TTLL11: variants seen among roughly 807,000 people sequenced by gnomAD.
TTLL11 encodes tubulin tyrosine ligase like 11.
Under a neutral mutation model 51.7 loss-of-function variants are expected in TTLL11, and 42 were observed. The observed-to-expected ratio is 0.81, with a 90% CI of 0.64 to 1.05. The LOEUF is 1.05. Among genes scored for constraint, TTLL11 ranks in the 50% least tolerant of loss-of-function variants. The pLI is 0.00. For synonymous variants in TTLL11, 381 were observed against 383.5 expected (o/e 0.99, Z 0.08); for missense variants, 799 against 940.4 (o/e 0.85, Z 1.97).
chr9:122,071,152 G>C (rs763664063), intron 1 of TTLL11, among the ~76,000 whole-genome samples: 49 of 152,288 alleles, frequency 3.2e-4, no homozygotes, highest in Middle Eastern at 3.4e-3. Context: ...CCCATGGCTT[G>C]TTCCCTTCCC....
chr9:122,022,391 A>G (rs1844207667), intron 3 of TTLL11, among the ~76,000 whole-genome samples: 1 of 151,478 alleles, frequency 6.6e-6, no homozygotes, highest in African/African-American at 2.4e-5. Context: ...GCAGCAAGAG[A>G]AAAAGAATGT....
At chr9:121,970,929 G>C (rs942455865) in intron 6 of TTLL11, among the ~76,000 whole-genome samples, 61 of 152,352 alleles carry the variant, frequency 4.0e-4, no homozygotes, top group Non-Finnish European at 6.8e-4. Flanking sequence ...AGTCACAATA[G>C]CAAAGACTTG....
chr9:121,918,743 T>C (rs1840427280), intron 6 of TTLL11, among the ~76,000 whole-genome samples: 1 of 152,066 alleles, frequency 6.6e-6, no homozygotes, highest in Admixed American at 6.5e-5. Flanking sequence ...AATGTAGAAA[T>C]AAACTGTGGG....
chr9:121,952,208 A>G (rs891286669), intron 6 of TTLL11, among the ~76,000 whole-genome samples: 3 of 152,116 alleles, frequency 2.0e-5, no homozygotes, highest in African/African-American at 7.2e-5. Flanking sequence ...GCACTTTGGG[A>G]GGCCGAGCTG....
intron 4 of TTLL11, among the ~76,000 whole-genome samples, chr9:121,978,265 G>T (rs369613004): frequency 6.6e-6 from 1 of 152,126 alleles, no homozygotes; most frequent in Non-Finnish European, 1.5e-5. Context: ...AGAACTGGGA[G>T]ATATGTAGAG....
intron 6 of TTLL11, among the ~76,000 whole-genome samples, chr9:121,894,574 A>T (rs1839383393): frequency 6.6e-6 from 1 of 152,206 alleles, no homozygotes; most frequent in Admixed American, 6.5e-5. Context: ...GCCATAAAAA[A>T]GGGAAGAGTT....
At chr9:121,915,119 G>A (rs1164760410) in intron 6 of TTLL11, among the ~76,000 whole-genome samples, 1 of 152,172 alleles carries the variant, frequency 6.6e-6, no homozygotes, top group African/African-American at 2.4e-5. Context: ...GGTGGGAGGG[G>A]GAGCTGGCCA....
At chr9:122,040,299 C>T (rs1844814734) in intron 1 of TTLL11, 1 of 961,654 alleles carries the variant, frequency 1.0e-6, no homozygotes, top group South Asian at 4.8e-5. Context: ...CCTGAGAATA[C>T]CTTTTTGGTC....
intron 1 of TTLL11, among the ~76,000 whole-genome samples, chr9:122,079,799 A>C (rs959106716): frequency 6.6e-6 from 1 of 152,080 alleles, no homozygotes; most frequent in Admixed American, 6.5e-5. Flanking sequence ...TGGGTAGAAG[A>C]TCAGGGATGA....
Position 122,033,362 on chromosome 9 carries a change from C to A in TTLL11, c.560-1506G>T, listed in dbSNP as rs190733261. Among the ~76,000 whole-genome samples, 488 of 152,288 alleles carry A rather than the reference C, an allele frequency of 3.2e-3. 4 individuals are homozygous for A. The highest frequency in any genetic ancestry group is 0.011 in the African/African-American group (456 of 41,560). ...TCCTGACCTCAGGTGATCCACCCCC[C>A]TCGGCCTCCCAAAGTGCTGGGATTA... On this transcript the variant is annotated intron_variant, in intron 2 of 8. Coordinates refer to ENST00000321582, the MANE Select transcript of TTLL11 (RefSeq NM_001139442.2).
chr9:122,001,577 A>G (rs575118686), intron 3 of TTLL11, among the ~76,000 whole-genome samples: 1 of 152,232 alleles, frequency 6.6e-6, no homozygotes, highest in South Asian at 2.1e-4. Context: ...GGTCGCCAAG[A>G]TGGACACTCG....
chr9:121,927,937 A>AATCT (rs1183365204), intron 6 of TTLL11, among the ~76,000 whole-genome samples: 3 of 152,190 alleles, frequency 2.0e-5, no homozygotes, highest in Non-Finnish European at 4.4e-5. Flanking sequence ...GAGGCCAATA[A>AATCT]ATCTCAAATG....
At position 121,856,538 on chromosome 9, in the gene TTLL11, A is replaced by G. The variant is rs576197377; in HGVS notation, c.1840+3799T>C. On this transcript the variant is annotated intron_variant, in intron 8 of 8. Coordinates refer to ENST00000321582, the MANE Select transcript of TTLL11 (RefSeq NM_001139442.2). ...TTTTTGTCTCACATAAATGTTCAGTAAATGGTCTCTTTTTTTCCCTTAAGA... is the reference window on the plus strand; with the variant it reads ...TTTTTGTCTCACATAAATGTTCAGTGAATGGTCTCTTTTTTTCCCTTAAGA... Among the ~76,000 whole-genome samples, 7 of 151,648 alleles carry G rather than the reference A, an allele frequency of 4.6e-5. No homozygotes were observed. In the East Asian group the frequency reaches 1.4e-3, roughly 30 times the overall value.
At chr9:121,891,771 C>A (rs1839243513) in intron 6 of TTLL11, among the ~76,000 whole-genome samples, 1 of 136,812 alleles carries the variant, frequency 7.3e-6, no homozygotes, top group Non-Finnish European at 1.6e-5. Flanking sequence ...AGTCACTCAG[C>A]CAGATAGGAG....
chr9:121,829,816 A>ACACACACAC (rs1564262506), intron 8 of TTLL11, among the ~76,000 whole-genome samples: 3 of 148,220 alleles, frequency 2.0e-5, no homozygotes, highest in African/African-American at 7.6e-5. Context: ...CACACACACC[A>ACACACACAC]CACACACACA....
chr9:121,948,983 A>G (rs114517686), intron 6 of TTLL11, among the ~76,000 whole-genome samples: 99 of 152,240 alleles, frequency 6.5e-4, no homozygotes, highest in African/African-American at 2.2e-3. Flanking sequence ...GCTGCCCTAG[A>G]AATGTGGAAT....
intron 8 of TTLL11, among the ~76,000 whole-genome samples, chr9:121,833,614 G>C (rs1379260230): frequency 1.3e-5 from 2 of 152,086 alleles, no homozygotes; most frequent in Non-Finnish European, 2.9e-5. Context: ...AGGAACACAG[G>C]CCCAGAGAGG....
chr9:121,837,642 TGTGTGGTTG>T (rs1364581689), intron 8 of TTLL11, among the ~76,000 whole-genome samples: 1 of 152,138 alleles, frequency 6.6e-6, no homozygotes, highest in African/African-American at 2.4e-5. Flanking sequence ...CCTGGGATCT[TGTGTGGTTG>T]AAAAGCCTGC....
intron 6 of TTLL11, among the ~76,000 whole-genome samples, chr9:121,883,409 T>C (rs907701943): frequency 3.3e-5 from 5 of 152,190 alleles, no homozygotes; most frequent in South Asian, 2.1e-4. Flanking sequence ...ATATATTTAT[T>C]GAGTACTAAC....
Sources: allele counts gnomAD v4.1 joint callset (sites outside exome capture counted in the v4.1 genomes callset), GRCh38; gene constraint gnomAD v4.1.1; transcripts MANE v1.5; gene names NCBI Gene and HGNC (gene_info 2026-07-23, HGNC 2026-07-21).